Variants in ATP6V1A observed in about 807,000 individuals in gnomAD.
ATP6V1A encodes the protein V-type proton ATPase catalytic subunit A.
ATP6V1A carries 18 observed loss-of-function variants against 70.1 expected under a neutral mutation model. The observed-to-expected ratio is 0.26, with a 90% confidence interval of 0.18 to 0.38. ATP6V1A has a LOEUF of 0.38. Ranked by LOEUF, ATP6V1A falls within the 10% of genes least tolerant of loss-of-function variation. The pLI, the probability that ATP6V1A is intolerant of heterozygous loss-of-function variation, is 1.00. For synonymous variants in ATP6V1A, 232 were observed against 253.8 expected, an observed-to-expected ratio of 0.91 and a Z score of 0.82; for missense variants, 424 against 772.4, an observed-to-expected ratio of 0.55 and a Z score of 5.35.
chr3:113,753,951 A>G (rs564640798), intron 1 of ATP6V1A, among the ~76,000 whole-genome samples: 2 of 152,266 alleles, frequency 1.3e-5, no homozygotes, highest in South Asian at 4.1e-4. Context: ...GTACAGAGAA[A>G]CATTTGTAAT....
chr3:113,784,189 C>G, intron 3 of ATP6V1A, 35 bp from the exon 4 acceptor site: 2 of 1,576,704 alleles, frequency 1.3e-6, no homozygotes, highest in Non-Finnish European at 1.7e-6. Flanking sequence ...GTCTTTAAAC[C>G]TTCATAGTAG....
intron 12 of ATP6V1A, 60 bp from the exon 13 acceptor site, chr3:113,803,523 T>C: frequency 8.1e-7 from 1 of 1,234,970 alleles, no homozygotes; most frequent in Non-Finnish European, 1.2e-6. Flanking sequence ...TGTTAATTAA[T>C]TGCCACCATC....
chr3:113,799,836 T>C (rs1709190170), intron 12 of ATP6V1A, among the ~76,000 whole-genome samples: 1 of 152,144 alleles, frequency 6.6e-6, no homozygotes, highest in African/African-American at 2.4e-5. Context: ...CAGAAATATA[T>C]ATTTCTTCTA....
chr3:113,779,697 T>C (rs1430310682), intron 2 of ATP6V1A, among the ~76,000 whole-genome samples: 1 of 152,086 alleles, frequency 6.6e-6, no homozygotes, highest in Non-Finnish European at 1.5e-5. Context: ...TGCAGAGAAA[T>C]AATTGTCCTC....
rs922213789 is a variant in ATP6V1A at position 113,747,123 on chromosome 3, G to T, written c.-14+10G>T. 5.3e-5 allele frequency: 8 copies of T among 152,158 alleles called. No homozygotes were observed. Among genetic ancestry groups the T allele is most frequent in the African/African-American group, 1.9e-4 (8 of 41,274 alleles). The allele number at this position is 152,158 out of a possible 1,614,324, so 9.4% of individuals were successfully genotyped here. A position where few individuals can be genotyped will look rare whatever the true frequency, so the allele number is the denominator to read the frequency against. ...CCTCGCGCCCCAGCAGGTGAGCGGCGACCGGTAACTGGCGAGTGGTGGGGA... is the reference window on the plus strand; with the variant it reads ...CCTCGCGCCCCAGCAGGTGAGCGGCTACCGGTAACTGGCGAGTGGTGGGGA... On this transcript the variant is annotated intron_variant, in intron 1 of 14. Transcript: ENST00000273398.
intron 4 of ATP6V1A, 90 bp from the exon 5 acceptor site, chr3:113,784,606 A>G (rs1709017560): frequency 6.7e-7 from 1 of 1,495,112 alleles, no homozygotes; most frequent in African/African-American, 1.4e-5. Context: ...TTTTATTGAT[A>G]AGTCAGGTAA....
At chr3:113,764,356 A>G (rs1428899380) in intron 1 of ATP6V1A, among the ~76,000 whole-genome samples, 1 of 152,236 alleles carries the variant, frequency 6.6e-6, no homozygotes, top group Non-Finnish European at 1.5e-5. Context: ...ATTTAATGGA[A>G]TAGTATACAG....
At chr3:113,758,055 A>C (rs1039969456) in intron 1 of ATP6V1A, among the ~76,000 whole-genome samples, 5 of 152,128 alleles carry the variant, frequency 3.3e-5, no homozygotes, top group African/African-American at 9.7e-5. Context: ...GAGGGAGGAG[A>C]ATCACTTGAA....
intron 1 of ATP6V1A, among the ~76,000 whole-genome samples, chr3:113,757,898 C>A (rs1708662642): frequency 6.6e-6 from 1 of 152,220 alleles, no homozygotes; most frequent in South Asian, 2.1e-4. Context: ...GTAATCCCAG[C>A]ACTTTGGGAG....
Position 113,794,762 on chromosome 3 carries a change from T to C in ATP6V1A, c.989-110T>C, listed in dbSNP as rs894828837. On this transcript the variant is annotated intron_variant, in intron 8 of 14. Transcript: ENST00000273398. The stretch of plus-strand genomic sequence containing the variant: ...GGAAGAGCAGCTTTGAGGGAGCCAC[T>C]AGCAGTCTACGTTGTGTACTTATTG... 2.2e-4 allele frequency: 275 copies of C among 1,267,322 alleles called. 1 individual carries two copies. Among genetic ancestry groups the C allele is most frequent in the Non-Finnish European group, 2.8e-4 (258 of 929,428 alleles). The allele number at this position is 1,267,322 out of a possible 1,614,324, so 78.5% of individuals were successfully genotyped here.
intron 1 of ATP6V1A, among the ~76,000 whole-genome samples, chr3:113,772,784 C>T (rs886271947): frequency 1.3e-5 from 2 of 151,162 alleles, no homozygotes; most frequent in African/African-American, 2.4e-5. Flanking sequence ...CTTTAAAACT[C>T]GTGTTTTCAT....
chr3:113,803,758 TTTA>T, intron 13 of ATP6V1A, 81 bp downstream of exon 13: 2 of 1,058,512 alleles, frequency 1.9e-6, no homozygotes, highest in Non-Finnish European at 2.8e-6. Flanking sequence ...AAAACCCTTT[TTTA>T]TTCTCATACA....
Position 113,784,782 on chromosome 3 carries a change from A to T in ATP6V1A, c.513A>T (p.Arg171=). The change falls in exon 5 of 15, where the codon CGA becomes CGT. Residue 171 remains arginine (R), a synonymous_variant. Coordinates refer to ENST00000273398, the MANE Select transcript of ATP6V1A (RefSeq NM_001690.4). ...AACACAAAATCATGTTACCCCCACG[A>T]AACAGAGGAACTGTAACTTACATTG... ...LIKHKIMLPP[R]NRGTVTYIAP... The T allele has an allele frequency of 6.2e-7, 1 of 1,614,152 alleles. No individual in the cohort carries two copies. The highest frequency in any genetic ancestry group is 8.5e-7 in the Non-Finnish European group (1 of 1,179,976).
chr3:113,766,452 G>A (rs1178494684), intron 1 of ATP6V1A, among the ~76,000 whole-genome samples: 2 of 152,090 alleles, frequency 1.3e-5, no homozygotes, highest in Non-Finnish European at 2.9e-5. Context: ...ACACCACCAC[G>A]CCCAGCTAAT....
At position 113,810,251 on chromosome 3, in the gene ATP6V1A, A is replaced by C. The variant is rs1709326471; in HGVS notation, c.*824A>C. On this transcript the variant is annotated 3_prime_UTR_variant, in exon 15 of 15. Coordinates refer to ENST00000273398, the MANE Select transcript of ATP6V1A (RefSeq NM_001690.4). ...GAAACGGGGTTTCACCATATTGGTC[A>C]GGCTGGTCTCGAACTCCAGACCTCA... The C allele has an allele frequency of 6.6e-6, 1 of 152,142 alleles. No individual in the cohort carries two copies. The highest frequency in any genetic ancestry group is 2.4e-5 in the African/African-American group (1 of 41,400). The allele number at this position is 152,142 out of a possible 1,614,324, so 9.4% of individuals were successfully genotyped here.
In ATP6V1A at chr3:113,809,374, T is replaced by C; in HGVS notation, c.1801T>C (p.Tyr601His). ...KDGEAKIKSD[Y>H]AQLLEDMQNA... The stretch of plus-strand genomic sequence containing the variant: ...TGGTGAGGCAAAGATCAAAAGCGAC[T>C]ATGCACAACTTCTTGAAGACATGCA... The change falls in exon 15 of 15, where the codon TAT becomes CAT. Residue 601 changes from tyrosine to histidine, a missense_variant. By Grantham distance (83) the Tyr-to-His change is moderately conservative (BLOSUM62 2). This residue lies in a region of ATP6V1A where 127 missense variants were observed against 207.9 expected (regional missense o/e 0.61). Coordinates refer to ENST00000273398, the MANE Select transcript of ATP6V1A (RefSeq NM_001690.4). 6.2e-7 allele frequency: 1 copy of C among 1,614,010 alleles called. No individual in the cohort carries two copies. Among genetic ancestry groups the C allele is most frequent in the African/African-American group, 1.3e-5 (1 of 75,062 alleles).
chr3:113,784,445 C>A lies in ATP6V1A; in HGVS notation c.426+7C>A. 1.3e-6 allele frequency: 2 copies of A among 1,590,260 alleles called. No homozygotes were observed. The highest frequency in any genetic ancestry group is 1.1e-5 in the South Asian group (1 of 90,176). On this transcript the variant is annotated splice_region_variant and intron_variant, in intron 4 of 14. Transcript: ENST00000273398. ...ACCTTGCAAAAACCTACGGGTATGT[C>A]TGTGTAACCAAGAATTTCTGAAGTT...
At position 113,762,878 on chromosome 3, in the gene ATP6V1A, A is replaced by G. The variant is rs148371245; in HGVS notation, c.-14+15765A>G. Among the ~76,000 whole-genome samples, 364 of 152,334 alleles carry G rather than the reference A, an allele frequency of 2.4e-3. 2 individuals are homozygous for G. The highest frequency in any genetic ancestry group is 8.5e-3 in the African/African-American group (354 of 41,564). ...TTGCAGTATAACAATAAACACGTAT[A>G]TAAATAAGTCCTTATCCACATGCCA... On this transcript the variant is annotated intron_variant, in intron 1 of 14. Coordinates refer to ENST00000273398, the MANE Select transcript of ATP6V1A (RefSeq NM_001690.4).
chr3:113,755,764 A>G (rs898336288), intron 1 of ATP6V1A, among the ~76,000 whole-genome samples: 1 of 152,180 alleles, frequency 6.6e-6, no homozygotes, highest in Non-Finnish European at 1.5e-5. Context: ...GGTAAAATTT[A>G]TATATTCATA....
Sources: allele counts gnomAD v4.1 joint callset (sites outside exome capture counted in the v4.1 genomes callset), GRCh38; gene constraint gnomAD v4.1.1; regional missense constraint gnomAD v4.1.1; transcripts MANE v1.5; gene names NCBI Gene and HGNC (gene_info 2026-07-23, HGNC 2026-07-21).